Variants in FIS1 observed in about 807,000 individuals in gnomAD.
The protein encoded by FIS1 is fission, mitochondrial 1.
Under a neutral mutation model 21.6 loss-of-function variants are expected in FIS1, and 16 were observed. The observed-to-expected ratio is 0.74, with a 90% CI of 0.50 to 1.12. FIS1 has a LOEUF of 1.12. Ranked by LOEUF, FIS1 falls within the 50% of genes most tolerant of loss-of-function variation. FIS1 has a pLI of 0.00. For synonymous variants in FIS1, 92 were observed against 82.2 expected (o/e 1.12, Z -0.65); for missense variants, 198 against 190.9 (o/e 1.04, Z -0.22).
intron 2 of FIS1, 114 bp from the exon 3 acceptor site, chr7:101,241,020 A>C: frequency 9.6e-7 from 1 of 1,036,338 alleles, no homozygotes; most frequent in Non-Finnish European, 1.5e-6. Flanking sequence ...TGGGAGGGTC[A>C]CAGTCCTAAG....
intron 1 of FIS1, 139 bp from the exon 2 acceptor site, chr7:101,244,278 C>A (rs1221226134): frequency 3.3e-6 from 4 of 1,195,380 alleles, no homozygotes; most frequent in Non-Finnish European, 4.5e-6. Context: ...TATCTCCATG[C>A]CCGGGACCCA....
Position 101,239,481 on chromosome 7 carries a change from T to A in FIS1, c.*325A>T. On this transcript the variant is annotated 3_prime_UTR_variant, in exon 5 of 5. Coordinates refer to ENST00000223136, the MANE Select transcript of FIS1 (RefSeq NM_016068.3). ...AGGGAGGAAGGAAGGGTGTGGGCTC[T>A]GGGCTGCGGGGTGGACAAAGAACCC... 2.4e-6 allele frequency: 1 copy of A among 424,608 alleles called. No homozygotes were observed. The highest frequency in any genetic ancestry group is 4.5e-6 in the Non-Finnish European group (1 of 224,578). The allele number at this position is 424,608 out of a possible 1,614,324, so 26.3% of individuals were successfully genotyped here. A position where few individuals can be genotyped will look rare whatever the true frequency, so the allele number is the denominator to read the frequency against.
chr7:101,241,612 AC>A (rs1421871180), intron 2 of FIS1: 1 of 141,468 alleles, frequency 7.1e-6, no homozygotes, highest in East Asian at 2.0e-4. Flanking sequence ...TTCCCCGAAG[AC>A]CCCACCTGAC....
Position 101,240,184 on chromosome 7 carries a change from C to CCTGGTTGTT in FIS1, c.310_318dup (p.Asn104_Gln106dup). On this transcript the variant is annotated inframe_insertion, in exon 4 of 5. Transcript: ENST00000223136. The stretch of plus-strand genomic sequence containing the variant: ...TCAATGAGCCGCTCCAGTTCCTTGG[C>CCTGGTTGTT]CTGGTTGTTCTGGGGCTCTGTCTGC... 6.2e-7 allele frequency: 1 copy of CCTGGTTGTT among 1,614,250 alleles called. No individual in the cohort carries two copies.
chr7:101,244,104 T>C lies in FIS1; in HGVS notation c.81A>G (p.Ala27=). The change falls in exon 2 of 5, where the codon GCA becomes GCG. Residue 27 remains alanine (A), a synonymous_variant. Transcript: ENST00000223136. ...FEKKFQSEKA[A]GSVSKSTQFE... is the part of the protein sequence containing the mutation. ...ACTGCGTGCTCTTGGACACCGAGCCTGCTGCCTTCTCAGACTGAAATTTCT... is the reference window on the plus strand; with the variant it reads ...ACTGCGTGCTCTTGGACACCGAGCCCGCTGCCTTCTCAGACTGAAATTTCT... The C allele has an allele frequency of 3.1e-6, 5 of 1,613,922 alleles. No individual in the cohort carries two copies. Among genetic ancestry groups the C allele is most frequent in the Non-Finnish European group, 4.2e-6 (5 of 1,179,828 alleles).
In FIS1 at chr7:101,240,911, G is replaced by A; in HGVS notation, c.179-5C>T. 6.2e-7 allele frequency: 1 copy of A among 1,614,076 alleles called. No homozygotes were observed. On this transcript the variant is annotated splice_polypyrimidine_tract_variant and splice_region_variant and intron_variant, in intron 2 of 4. Coordinates refer to ENST00000223136, the MANE Select transcript of FIS1 (RefSeq NM_016068.3). ...TGCTCCCTTTGGGCAGCAGCTCTGG[G>A]GAGGGGCAGAGAAGAGGGTGAGAAA...
At chr7:101,244,734 G>A (rs965764417) in intron 1 of FIS1, 4 of 584,984 alleles carry the variant, frequency 6.8e-6, no homozygotes. Context: ...CGGGCTCCAG[G>A]CCCGTAGTCT....
At position 101,239,718 on chromosome 7, in the gene FIS1, G is replaced by C. The variant is rs1210246572; in HGVS notation, c.*88C>G. 2 of 1,089,774 alleles carry C rather than the reference G, an allele frequency of 1.8e-6. No homozygotes were observed. Among genetic ancestry groups the C allele is most frequent in the South Asian group, 2.7e-5 (2 of 74,662 alleles). 67.5% of individuals were successfully genotyped at this position (1,089,774 alleles called of 1,614,324 possible). On this transcript the variant is annotated 3_prime_UTR_variant, in exon 5 of 5. Coordinates refer to ENST00000223136, the MANE Select transcript of FIS1 (RefSeq NM_016068.3). ...AATTAGCTGAAGGCCACAGAGGATA[G>C]AGACGGGGGGCAGGGGGAGAACAGG...
rs1236235712 is a variant in FIS1, at chr7:101,239,576, C to T, written c.*230G>A. The T allele has an allele frequency of 3.3e-6, 2 of 605,150 alleles. No individual in the cohort carries two copies. The highest frequency in any genetic ancestry group is 2.3e-5 in the Admixed American group (1 of 43,616). 37.5% of individuals were successfully genotyped at this position (605,150 alleles called of 1,614,324 possible). On this transcript the variant is annotated 3_prime_UTR_variant, in exon 5 of 5. Coordinates refer to ENST00000223136, the MANE Select transcript of FIS1 (RefSeq NM_016068.3). Reference sequence around the variant, plus strand: ...GTCTCCGCCCCCTGTGCCCAGCGTTCAGAACCCACCCCTCCCCTCAACGCA... The same window carrying T: ...GTCTCCGCCCCCTGTGCCCAGCGTTTAGAACCCACCCCTCCCCTCAACGCA...
chr7:101,242,524 T>C (rs1798764079), intron 2 of FIS1, among the ~76,000 whole-genome samples: 1 of 149,736 alleles, frequency 6.7e-6, no homozygotes. Flanking sequence ...AGTCTCACTG[T>C]GTTGCCCAGG....
At position 101,244,030 on chromosome 7, in the gene FIS1, C is replaced by G. The variant is rs766116617; in HGVS notation, c.155G>C (p.Arg52Pro). Residue 52 changes from arginine (R) to proline (P), a missense_variant, in exon 2 of 5, where the codon CGT becomes CCT. Physicochemically the swap from Arg to Pro is moderately radical, Grantham distance 103. Coordinates refer to ENST00000223136, the MANE Select transcript of FIS1 (RefSeq NM_016068.3). ...LVRSKYNDDI[R>P]KGIVLLEELL... ...ACCCTCGAGCAGCACGATGCCTTTA[C>G]GGATGTCATCATTGTACTTGCTCCG... 15 of 1,613,602 alleles carry G rather than the reference C, an allele frequency of 9.3e-6. No homozygotes were observed. The South Asian group carries it at 1.5e-4, about 17-fold the overall frequency.
At chr7:101,240,282 C>A in intron 3 of FIS1, 35 bp from the exon 4 acceptor site, 1 of 1,596,426 alleles carries the variant, frequency 6.3e-7, no homozygotes, top group Non-Finnish European at 8.6e-7. Flanking sequence ...GTCATACACA[C>A]CGCAGTGTTT....
intron 2 of FIS1, among the ~76,000 whole-genome samples, chr7:101,242,476 T>C (rs966340780): frequency 6.6e-6 from 1 of 150,944 alleles, no homozygotes; most frequent in African/African-American, 2.5e-5. Flanking sequence ...AGAAAGAGTC[T>C]TATTTTTATA....
At chr7:101,241,338 G>A (rs576325098) in intron 2 of FIS1, among the ~76,000 whole-genome samples, 31 of 151,850 alleles carry the variant, frequency 2.0e-4, no homozygotes, top group Non-Finnish European at 2.9e-4. Flanking sequence ...CTCCTGCCTC[G>A]GTTTCCCGAG....
intron 2 of FIS1, among the ~76,000 whole-genome samples, chr7:101,242,196 G>A (rs1414532236): frequency 6.6e-6 from 1 of 152,164 alleles, no homozygotes. Flanking sequence ...AAAGTGCTGA[G>A]ATTACAGGCA....
At position 101,240,208 on chromosome 7, in the gene FIS1, G is replaced by A. The variant is rs1307626950; in HGVS notation, c.295C>T (p.Gln99Ter). ...KALKYVRGLL[Q>*]TEPQNNQAKE... Reference sequence around the variant, plus strand: ...GCCTGGTTGTTCTGGGGCTCTGTCTGCAGCAACCCGCGGACGTACTTTAAG... The same window carrying A: ...GCCTGGTTGTTCTGGGGCTCTGTCTACAGCAACCCGCGGACGTACTTTAAG... Residue 99 changes from glutamine (Q) to a stop codon, truncating the protein, a stop_gained, in exon 4 of 5, where the codon CAG becomes TAG. Transcript: ENST00000223136. LOFTEE classifies it high-confidence loss of function. The A allele has an allele frequency of 8.7e-6, 14 of 1,614,238 alleles. No homozygotes were observed. Among genetic ancestry groups the A allele is most frequent in the Non-Finnish European group, 1.0e-5 (12 of 1,180,032 alleles).
rs370128993 is a variant in FIS1, at chr7:101,239,961, C to T, written c.362-58G>A. ...GGCCCCTGCGGAAACCCTGACCGTC[C>T]CCTTCCGCCAGCCCTGCCCCTCAAC... On this transcript the variant is annotated intron_variant, in intron 4 of 4. Coordinates refer to ENST00000223136, the MANE Select transcript of FIS1 (RefSeq NM_016068.3). The T allele has an allele frequency of 1.0e-4, 150 of 1,501,602 alleles. 1 individual carries two copies. In the South Asian group the frequency reaches 1.6e-3, roughly 16 times the overall value. The allele number at this position is 1,501,602 out of a possible 1,614,324, so 93.0% of individuals were successfully genotyped here. A position where few individuals can be genotyped will look rare whatever the true frequency, so the allele number is the denominator to read the frequency against.
intron 2 of FIS1, 96 bp downstream of exon 2, chr7:101,243,911 A>G: frequency 6.8e-7 from 1 of 1,462,680 alleles, no homozygotes; most frequent in South Asian, 1.4e-5. Flanking sequence ...TGGTGCAGTA[A>G]ATCTACCGGA....
Position 101,239,764 on chromosome 7 carries a change from C to G in FIS1, c.*42G>C, listed in dbSNP as rs757997814. On this transcript the variant is annotated 3_prime_UTR_variant, in exon 5 of 5. Transcript: ENST00000223136. ...ACAGGGAAAGGACAGCGAGGATGGA[C>G]AGGCCCTCCTGGAGCGTTCTCCGTG... The G allele has an allele frequency of 6.8e-7, 1 of 1,465,360 alleles. No homozygotes were observed. Among genetic ancestry groups the G allele is most frequent in the South Asian group, 1.2e-5 (1 of 82,522 alleles). The allele number at this position is 1,465,360 out of a possible 1,614,324, so 90.8% of individuals were successfully genotyped here.
Sources: gnomAD v4.1 joint callset for allele counts (sites outside exome capture counted in the v4.1 genomes callset) on GRCh38, gnomAD v4.1.1 for gene constraint, MANE v1.5 for transcripts, NCBI Gene and HGNC (gene_info 2026-07-23, HGNC 2026-07-21) for gene names.